The following MRTFA variants were observed in gnomAD, a reference collection of about 807,000 sequenced individuals.
The protein encoded by MRTFA is myocardin-related transcription factor A.
MRTFA carries 20 observed loss-of-function variants against 83.5 expected under a neutral mutation model. The observed-to-expected ratio is 0.24, with a 90% CI of 0.17 to 0.35. The LOEUF (loss-of-function observed/expected upper bound fraction) is 0.35. MRTFA is among the 10% of genes least tolerant of loss of function. The pLI is 1.00. For missense variants in MRTFA, 1,200 were observed against 1,224.7 expected, an observed-to-expected ratio of 0.98 and a Z score of 0.30; for synonymous variants, 659 against 541.2, an observed-to-expected ratio of 1.22 and a Z score of -3.02.
chr22:40,551,406 T>C (rs535379148), intron 3 of MRTFA, among the ~76,000 whole-genome samples: 4 of 152,302 alleles, frequency 2.6e-5, no homozygotes, highest in East Asian at 3.9e-4. Context: ...TCTCATTCTG[T>C]CGTCCAGGCT....
intron 4 of MRTFA, among the ~76,000 whole-genome samples, chr22:40,446,116 G>C (rs1042588086): frequency 4.6e-5 from 7 of 152,198 alleles, no homozygotes; most frequent in African/African-American, 1.7e-4. Context: ...GGTGCTAAAA[G>C]TTTGAAAGGT....
chr22:40,589,160 T>C (rs2147373489), intron 2 of MRTFA, among the ~76,000 whole-genome samples: 1 of 151,952 alleles, frequency 6.6e-6, no homozygotes, highest in Middle Eastern at 3.4e-3. Flanking sequence ...TGAATCTAAA[T>C]CTCCCCCCAA....
intron 1 of MRTFA, among the ~76,000 whole-genome samples, chr22:40,610,777 CTA>C (rs1300164058): frequency 6.7e-6 from 1 of 150,352 alleles, no homozygotes. Context: ...CCCAGTGACA[CTA>C]TGACATAAAT....
chr22:40,417,611 G>A (rs544529254), intron 12 of MRTFA, 118 bp from the exon 13 acceptor site: 5 of 693,636 alleles, frequency 7.2e-6, no homozygotes, highest in Admixed American at 2.9e-5. Context: ...GAGGGAAGAT[G>A]GGAGGCACTG....
chr22:40,451,416 A>G (rs1414764338), intron 4 of MRTFA, among the ~76,000 whole-genome samples: 1 of 152,184 alleles, frequency 6.6e-6, no homozygotes, highest in Admixed American at 6.6e-5. Flanking sequence ...CTTCATACAC[A>G]TCCTGTTTTG....
intron 1 of MRTFA, 60 bp downstream of exon 1, chr22:40,636,418 T>G (rs1442617113): frequency 2.0e-5 from 3 of 152,232 alleles, no homozygotes; most frequent in African/African-American, 7.2e-5. Context: ...GGAAAAAGGA[T>G]GCTCCAGGCG....
At chr22:40,427,845 C>T (rs1352351469) in intron 7 of MRTFA, among the ~76,000 whole-genome samples, 2 of 152,164 alleles carry the variant, frequency 1.3e-5, no homozygotes, top group African/African-American at 4.8e-5. Context: ...TCAGCGCCAT[C>T]CACCAACCTC....
chr22:40,629,146 A>T (rs2056612970), intron 1 of MRTFA, among the ~76,000 whole-genome samples: 1 of 151,844 alleles, frequency 6.6e-6, no homozygotes, highest in Non-Finnish European at 1.5e-5. Flanking sequence ...AAAATTTTTT[A>T]AATTAGCCAA....
intron 3 of MRTFA, among the ~76,000 whole-genome samples, chr22:40,491,689 T>C (rs1417567346): frequency 6.6e-6 from 1 of 152,128 alleles, no homozygotes; most frequent in Non-Finnish European, 1.5e-5. Flanking sequence ...AGTTTTTTCT[T>C]CCCTTATTCC....
chr22:40,420,065 C>T (rs1327231576), intron 11 of MRTFA, among the ~76,000 whole-genome samples: 1 of 152,224 alleles, frequency 6.6e-6, no homozygotes, highest in Non-Finnish European at 1.5e-5. Context: ...GCCTGACCAT[C>T]CTCAAAGGGG....
At chr22:40,448,586 C>G (rs59725756) in intron 4 of MRTFA, among the ~76,000 whole-genome samples, 3,023 of 152,236 alleles carry the variant, frequency 0.02, 91 homozygotes, top group African/African-American at 0.068. Context: ...CTAGCTATTC[C>G]TTTGGAAATA....
chr22:40,416,908 A>C lies in MRTFA; in HGVS notation c.2578+78T>G. The C allele has an allele frequency of 7.1e-7, 1 of 1,417,550 alleles. No individual in the cohort carries two copies. The highest frequency in any genetic ancestry group is 1.4e-5 in the African/African-American group (1 of 69,876). 87.8% of individuals were successfully genotyped at this position (1,417,550 alleles called of 1,614,324 possible). ...TGGTCACGCACGGAAGCATTCAATAAAAACAAACCAACCCAGGGCTAGAGA... is the reference window on the plus strand; with the variant it reads ...TGGTCACGCACGGAAGCATTCAATACAAACAAACCAACCCAGGGCTAGAGA... On this transcript the variant is annotated intron_variant, in intron 14 of 14. Coordinates refer to ENST00000355630, the MANE Select transcript of MRTFA (RefSeq NM_020831.6). This position sits in a 1 kb window ranked among gnomAD's most constrained non-coding sequence, Gnocchi z 4.2.
At chr22:40,498,272 T>TAC (rs2054393764) in intron 3 of MRTFA, among the ~76,000 whole-genome samples, 1 of 80,296 alleles carries the variant, frequency 1.2e-5, no homozygotes, top group African/African-American at 6.0e-5. Context: ...TATATATATA[T>TAC]ATTTTTTTTT....
chr22:40,546,762 A>G (rs2055370631), intron 3 of MRTFA, among the ~76,000 whole-genome samples: 1 of 152,228 alleles, frequency 6.6e-6, no homozygotes, highest in South Asian at 2.1e-4. Context: ...ATACACAAAC[A>G]CCTTGGGTCC....
intron 3 of MRTFA, among the ~76,000 whole-genome samples, chr22:40,517,321 G>A (rs1180130853): frequency 3.3e-5 from 5 of 152,134 alleles, no homozygotes; most frequent in Non-Finnish European, 5.9e-5. Flanking sequence ...AAACAGGAAG[G>A]GAAGGGGGAC....
At position 40,463,211 on chromosome 22, in the gene MRTFA, A is replaced by G; in HGVS notation, c.307+10T>C. On this transcript the variant is annotated intron_variant, in intron 4 of 14. Transcript: ENST00000355630. The stretch of plus-strand genomic sequence containing the variant: ...CAATCTACCAAATGCTGAGAGAGAG[A>G]GGCACTTACGCGGCATGATCCCTTG... The G allele has an allele frequency of 1.2e-6, 2 of 1,612,800 alleles. No individual in the cohort carries two copies. The highest frequency in any genetic ancestry group is 1.1e-5 in the South Asian group (1 of 91,036).
chr22:40,521,795 G>C (rs562594845), intron 3 of MRTFA: 2 of 151,902 alleles, frequency 1.3e-5, no homozygotes, highest in African/African-American at 4.8e-5. Flanking sequence ...ACCACACCCG[G>C]CCTCAAATGA....
At chr22:40,533,358 G>C (rs562055343) in intron 3 of MRTFA, among the ~76,000 whole-genome samples, 1 of 152,062 alleles carries the variant, frequency 6.6e-6, no homozygotes, top group Admixed American at 6.6e-5. Flanking sequence ...ACAGGTCTCC[G>C]CAACTGAATA....
At chr22:40,554,508 C>T (rs544758824) in intron 2 of MRTFA, among the ~76,000 whole-genome samples, 4 of 152,268 alleles carry the variant, frequency 2.6e-5, no homozygotes, top group African/African-American at 7.2e-5. Context: ...GGCACTTCTT[C>T]CTGCCACCTT....
Sources: allele counts gnomAD v4.1 joint callset (sites outside exome capture counted in the v4.1 genomes callset), GRCh38; gene constraint gnomAD v4.1.1; non-coding constraint Gnocchi (gnomAD v3.1); transcripts MANE v1.5; gene names NCBI Gene and HGNC (gene_info 2026-07-23, HGNC 2026-07-21).